Variants in NELL1 observed in about 807,000 individuals in gnomAD.
NELL1 encodes protein kinase C-binding protein NELL1.
NELL1 carries 76 observed loss-of-function variants against 107.4 expected under a neutral mutation model. The observed-to-expected ratio is 0.71, with a 90% CI of 0.59 to 0.86. The LOEUF is 0.86. Among genes scored for constraint, NELL1 ranks in the 40% least tolerant of loss-of-function variants. The pLI is 0.00. For synonymous variants in NELL1, 353 were observed against 341.2 expected (o/e 1.03, Z -0.38); for missense variants, 1,024 against 1,005.5 (o/e 1.02, Z -0.25).
intron 3 of NELL1, among the ~76,000 whole-genome samples, chr11:20,803,154 A>T (rs1034205648): frequency 1.3e-4 from 20 of 152,158 alleles, no homozygotes; most frequent in Admixed American, 2.6e-4. Flanking sequence ...AGTTTTTTTT[A>T]AAATGTTTGG....
At chr11:21,032,361 T>C (rs1173793142) in intron 12 of NELL1, among the ~76,000 whole-genome samples, 1 of 152,116 alleles carries the variant, frequency 6.6e-6, no homozygotes, top group African/African-American at 2.4e-5. Flanking sequence ...GTTTTCCTTA[T>C]AGACTTTATG....
At chr11:21,125,874 G>A (rs964150032) in intron 13 of NELL1, among the ~76,000 whole-genome samples, 3 of 152,178 alleles carry the variant, frequency 2.0e-5, no homozygotes, top group African/African-American at 7.2e-5. Context: ...CCAGGCCTGG[G>A]TTTCTGCCCC....
intron 12 of NELL1, among the ~76,000 whole-genome samples, chr11:20,978,905 C>T (rs1851694602): frequency 6.6e-6 from 1 of 152,148 alleles, no homozygotes; most frequent in South Asian, 2.1e-4. Context: ...TAATTATTAT[C>T]AACATTATTG....
chr11:20,961,094 CT>C (rs1454660141), intron 12 of NELL1, among the ~76,000 whole-genome samples: 2 of 152,184 alleles, frequency 1.3e-5, no homozygotes, highest in Non-Finnish European at 2.9e-5. Flanking sequence ...GGACTCATAA[CT>C]TTGGCACATG....
intron 2 of NELL1, among the ~76,000 whole-genome samples, chr11:20,778,471 TCTC>T (rs1856790294): frequency 6.9e-6 from 1 of 144,884 alleles, no homozygotes; most frequent in African/African-American, 2.6e-5. Flanking sequence ...TTTCTTTCCT[TCTC>T]CAATCTCCTC....
intron 15 of NELL1, among the ~76,000 whole-genome samples, chr11:21,420,851 G>A (rs1852647929): frequency 6.6e-6 from 1 of 152,108 alleles, no homozygotes; most frequent in Non-Finnish European, 1.5e-5. Context: ...TGGCAGTCTG[G>A]CACTTTTCAA....
chr11:21,130,729 C>T (rs1855596708), intron 13 of NELL1, among the ~76,000 whole-genome samples: 1 of 152,130 alleles, frequency 6.6e-6, no homozygotes, highest in Non-Finnish European at 1.5e-5. Context: ...CAATTGGTCC[C>T]CAAACACCCA....
At chr11:21,441,825 T>C (rs1483360489) in intron 15 of NELL1, among the ~76,000 whole-genome samples, 2 of 152,222 alleles carry the variant, frequency 1.3e-5, no homozygotes, top group Non-Finnish European at 2.9e-5. Flanking sequence ...CTGTACCAAA[T>C]TTATTTTGAC....
chr11:20,791,214 G>A (rs559566808), intron 3 of NELL1, among the ~76,000 whole-genome samples: 2 of 152,144 alleles, frequency 1.3e-5, no homozygotes, highest in South Asian at 4.2e-4. Context: ...TCCTGAACAT[G>A]GGGTGTCTTT....
chr11:20,675,629 A>G (rs1451716323), intron 1 of NELL1, among the ~76,000 whole-genome samples: 1 of 152,080 alleles, frequency 6.6e-6, no homozygotes, highest in Non-Finnish European at 1.5e-5. Flanking sequence ...GTCCCCTGAA[A>G]TTTAATTTCT....
chr11:21,163,839 C>T (rs1162933143), intron 13 of NELL1, among the ~76,000 whole-genome samples: 2 of 151,870 alleles, frequency 1.3e-5, no homozygotes, highest in African/African-American at 2.4e-5. Flanking sequence ...CTAGTTGTCT[C>T]CCAAAGGCCC....
chr11:21,041,783 C>T (rs1006006167), intron 12 of NELL1, among the ~76,000 whole-genome samples: 1 of 152,182 alleles, frequency 6.6e-6, no homozygotes, highest in African/African-American at 2.4e-5. Flanking sequence ...ATGGGTCTTA[C>T]ACAACTACAA....
intron 2 of NELL1, among the ~76,000 whole-genome samples, chr11:20,767,852 C>G (rs1435430560): frequency 6.6e-6 from 1 of 152,190 alleles, no homozygotes; most frequent in Non-Finnish European, 1.5e-5. Context: ...AGCCTATATT[C>G]TAGCAAAGAT....
At chr11:21,052,645 A>T (rs961231331) in intron 12 of NELL1, among the ~76,000 whole-genome samples, 4 of 151,960 alleles carry the variant, frequency 2.6e-5, no homozygotes, top group Admixed American at 2.0e-4. Context: ...TATATTTGGG[A>T]CTCTGGAGAG....
intron 7 of NELL1, among the ~76,000 whole-genome samples, chr11:20,922,000 AT>A (rs200513748): frequency 2.0e-5 from 3 of 151,448 alleles, no homozygotes; most frequent in South Asian, 2.1e-4. Context: ...TTCAAGGAAG[AT>A]TTTTTTTTCC....
intron 14 of NELL1, among the ~76,000 whole-genome samples, chr11:21,355,112 A>G (rs1196013495): frequency 6.6e-6 from 1 of 152,116 alleles, no homozygotes; most frequent in East Asian, 1.9e-4. Context: ...AATTTCTTGA[A>G]TTTTGCATGT....
intron 5 of NELL1, among the ~76,000 whole-genome samples, chr11:20,899,415 T>A (rs2134129424): frequency 6.6e-6 from 1 of 152,262 alleles, no homozygotes; most frequent in East Asian, 1.9e-4. Context: ...AAAATAATAG[T>A]ATAAGTTAAT....
chr11:20,725,459 G>T (rs1259813931), intron 2 of NELL1, among the ~76,000 whole-genome samples: 1 of 152,196 alleles, frequency 6.6e-6, no homozygotes, highest in Admixed American at 6.5e-5. Flanking sequence ...TAAGTCTGTG[G>T]TGATGTGGCG....
At chr11:21,244,196 A>G (rs1858433772) in intron 14 of NELL1, among the ~76,000 whole-genome samples, 1 of 152,164 alleles carries the variant, frequency 6.6e-6, no homozygotes, top group South Asian at 2.1e-4. Flanking sequence ...AGAACACAAC[A>G]AATCTATAGC....
Sources: gnomAD v4.1 joint callset for allele counts (sites outside exome capture counted in the v4.1 genomes callset) on GRCh38, gnomAD v4.1.1 for gene constraint, MANE v1.5 for transcripts, NCBI Gene and HGNC (gene_info 2026-07-23, HGNC 2026-07-21) for gene names.